The following CYFIP2 variants were observed in gnomAD, a reference collection of about 807,000 sequenced individuals.
The protein encoded by CYFIP2 is cytoplasmic FMR1-interacting protein 2.
CYFIP2 carries 29 observed loss-of-function variants against 158.7 expected under a neutral mutation model. That is an observed-to-expected ratio of 0.18 (90% CI 0.14 to 0.25). The LOEUF is 0.25. Ranked by LOEUF, CYFIP2 falls within the 10% of genes least tolerant of loss-of-function variation. CYFIP2 has a pLI of 1.00. For missense variants in CYFIP2, 852 were observed against 1,639.5 expected (o/e 0.52, Z 8.29); for synonymous variants, 585 against 617.6 (o/e 0.95, Z 0.78).
chr5:157,289,464 G>A (rs886702045), intron 3 of CYFIP2, among the ~76,000 whole-genome samples: 1 of 152,192 alleles, frequency 6.6e-6, no homozygotes, highest in Non-Finnish European at 1.5e-5. Flanking sequence ...TCCCCGTTCC[G>A]GAGATTAGAA....
At chr5:157,344,759 C>T (rs1256061264) in intron 23 of CYFIP2, among the ~76,000 whole-genome samples, 1 of 152,190 alleles carries the variant, frequency 6.6e-6, no homozygotes, top group Non-Finnish European at 1.5e-5. Flanking sequence ...TTTTGGGTTG[C>T]AGTGACATAG....
At chr5:157,377,814 C>T (rs1223311931) in intron 26 of CYFIP2, among the ~76,000 whole-genome samples, 8 of 152,268 alleles carry the variant, frequency 5.3e-5, no homozygotes, top group East Asian at 3.9e-4. Flanking sequence ...ATATAGAGAA[C>T]GTGCAGGTCC....
At chr5:157,362,926 G>A (rs775228207) in intron 26 of CYFIP2, 1 of 152,204 alleles carries the variant, frequency 6.6e-6, no homozygotes, top group Non-Finnish European at 1.5e-5. Context: ...GGGGACAGTT[G>A]TTTTACCCTG....
chr5:157,284,016 T>C (rs1474461492), intron 1 of CYFIP2, among the ~76,000 whole-genome samples: 1 of 152,200 alleles, frequency 6.6e-6, no homozygotes, highest in Non-Finnish European at 1.5e-5. Flanking sequence ...TCTCTTTGTG[T>C]CCCTCTTAAT....
chr5:157,309,641 C>G (rs953191210), intron 9 of CYFIP2, 102 bp from the exon 10 acceptor site: 1 of 1,035,022 alleles, frequency 9.7e-7, no homozygotes, highest in African/African-American at 1.6e-5. Flanking sequence ...GGTCGGCCCC[C>G]AGGCACACAC....
At chr5:157,345,309 G>A (rs1488014933) in intron 23 of CYFIP2, 2 of 152,594 alleles carry the variant, frequency 1.3e-5, no homozygotes, top group Admixed American at 6.5e-5. Flanking sequence ...GCCACTAGCT[G>A]TCTGTACAGA....
intron 26 of CYFIP2, chr5:157,375,688 C>A (rs1447004291): frequency 1.4e-5 from 2 of 140,788 alleles, no homozygotes; most frequent in African/African-American, 5.3e-5. Context: ...TTATTTTTAT[C>A]TGTGGCCCAC....
Position 157,333,414 on chromosome 5 carries a change from C to T in CYFIP2, c.2353C>T (p.Arg785Cys). Reference sequence around the variant, plus strand: ...TAAATCCTTGGACCAAGCTATCAGCCGCTTTGAGAGTGAGGACCTGACCTC... The same window carrying T: ...TAAATCCTTGGACCAAGCTATCAGCTGCTTTGAGAGTGAGGACCTGACCTC... ...MYKSLDQAIS[R>C]FESEDLTSIV... The change falls in exon 21 of 31, where the codon CGC becomes TGC. Residue 785 changes from arginine to cysteine, a missense_variant. Arg to Cys is a radical substitution (Grantham distance 180, BLOSUM62 -3). Around this residue, in one of 8 missense-constraint regions of CYFIP2, gnomAD observed 191 missense variants for 311.2 expected, o/e 0.61. Coordinates refer to ENST00000620254, the MANE Select transcript of CYFIP2 (RefSeq NM_001037333.3). 1 of 1,613,928 alleles carries T rather than the reference C, an allele frequency of 6.2e-7. No homozygotes were observed. Among genetic ancestry groups the T allele is most frequent in the Non-Finnish European group, 8.5e-7 (1 of 1,179,872 alleles).
intron 26 of CYFIP2, among the ~76,000 whole-genome samples, chr5:157,372,201 A>G (rs138726185): frequency 1.1e-4 from 16 of 152,342 alleles, no homozygotes; most frequent in Non-Finnish European, 1.5e-4. Context: ...TCTAGACTAC[A>G]TCGTGTATCA....
At chr5:157,312,920 C>T (rs75099611) in intron 11 of CYFIP2, among the ~76,000 whole-genome samples, 12,540 of 152,036 alleles carry the variant, frequency 0.082, 670 homozygotes, top group Middle Eastern at 0.14. Flanking sequence ...TTATGTTGCC[C>T]AGGCTGGTCT....
At position 157,395,519 on chromosome 5, in the gene CYFIP2, G is replaced by T. The variant is rs1441316706; in HGVS notation, c.*2519G>T. Reference sequence around the variant, plus strand: ...GCAGCTGAAGATGATATTTTGATTTGTATTTTGGGGGTACCTGTGTTGAGT... The same window carrying T: ...GCAGCTGAAGATGATATTTTGATTTTTATTTTGGGGGTACCTGTGTTGAGT... On this transcript the variant is annotated 3_prime_UTR_variant, in exon 31 of 31. Coordinates refer to ENST00000620254, the MANE Select transcript of CYFIP2 (RefSeq NM_001037333.3). 1.3e-6 allele frequency: 1 copy of T among 747,564 alleles called. No homozygotes were observed. The allele number at this position is 747,564 out of a possible 1,614,324, so 46.3% of individuals were successfully genotyped here.
At chr5:157,304,014 G>T (rs1759003960) in intron 7 of CYFIP2, among the ~76,000 whole-genome samples, 1 of 152,098 alleles carries the variant, frequency 6.6e-6, no homozygotes, top group African/African-American at 2.4e-5. Flanking sequence ...AATAAAATAG[G>T]GGGTGAGTTC....
chr5:157,323,986 G>T lies in CYFIP2; in HGVS notation c.1737G>T (p.Leu579=). 1 of 1,612,158 alleles carries T rather than the reference G, an allele frequency of 6.2e-7. No homozygotes were observed. The highest frequency in any genetic ancestry group is 8.5e-7 in the Non-Finnish European group (1 of 1,179,092). The change falls in exon 16 of 31, where the codon CTG becomes CTT. Residue 579 remains leucine (L), a synonymous_variant. Coordinates refer to ENST00000620254, the MANE Select transcript of CYFIP2 (RefSeq NM_001037333.3). ...ACAAAAGCGGCTCCAAGAAGACCCT[G>T]AGGAGCAGCCTGGATGGACCCATTG... The part of the protein sequence containing the change: ...IADKSGSKKT[L]RSSLDGPIVL...
At chr5:157,354,675 G>A (rs1274795531) in intron 23 of CYFIP2, among the ~76,000 whole-genome samples, 2 of 151,988 alleles carry the variant, frequency 1.3e-5, no homozygotes, top group Non-Finnish European at 2.9e-5. Flanking sequence ...ACCATCAACT[G>A]AAGCCTAAAC....
At chr5:157,346,508 G>A (rs1165090564) in intron 23 of CYFIP2, among the ~76,000 whole-genome samples, 1 of 152,204 alleles carries the variant, frequency 6.6e-6, no homozygotes, top group Admixed American at 6.5e-5. Context: ...GGCAGAGAGT[G>A]GAAGGATGCT....
At chr5:157,274,291 C>T (rs143190214) in intron 1 of CYFIP2, among the ~76,000 whole-genome samples, 1 of 152,268 alleles carries the variant, frequency 6.6e-6, no homozygotes, top group African/African-American at 2.4e-5. Context: ...CCTTGGCAAC[C>T]ATAGATTTGC....
At chr5:157,314,838 T>C (rs932134118) in intron 12 of CYFIP2, 131 bp from the exon 13 acceptor site, 25 of 759,438 alleles carry the variant, frequency 3.3e-5, no homozygotes, top group Non-Finnish European at 4.6e-5. Context: ...ACAAGGTTTT[T>C]CATGTTGTAG....
In CYFIP2 at chr5:157,368,941, C is replaced by G. The variant is rs1419366938; in HGVS notation, c.3039+7343C>G. ...TGAGACAGAGTCTCACTCTCTTGCC[C>G]AAACTGGAGTGCAGTGGCACAATCT... On this transcript the variant is annotated intron_variant, in intron 26 of 30. Coordinates refer to ENST00000620254, the MANE Select transcript of CYFIP2 (RefSeq NM_001037333.3). Among the ~76,000 whole-genome samples, 3 of 151,400 alleles carry G rather than the reference C, an allele frequency of 2.0e-5. No individual in the cohort carries two copies. In the East Asian group the frequency reaches 5.8e-4, roughly 29 times the overall value.
intron 1 of CYFIP2, among the ~76,000 whole-genome samples, chr5:157,282,948 G>A (rs1369289141): frequency 1.3e-5 from 2 of 152,192 alleles, no homozygotes; most frequent in Non-Finnish European, 2.9e-5. Context: ...TGATTTTTTG[G>A]CACAAGCAGG....
Sources: allele counts gnomAD v4.1 joint callset (sites outside exome capture counted in the v4.1 genomes callset), GRCh38; gene constraint gnomAD v4.1.1; regional missense constraint gnomAD v4.1.1; transcripts MANE v1.5; gene names NCBI Gene and HGNC (gene_info 2026-07-23, HGNC 2026-07-21).